Variants in SLC9A1 observed in about 807,000 individuals in gnomAD.
SLC9A1 encodes sodium/hydrogen exchanger 1.
A neutral mutation model predicts 67.9 loss-of-function variants in SLC9A1; 22 were observed. The observed-to-expected ratio is 0.32, with a 90% confidence interval of 0.23 to 0.46. The LOEUF (loss-of-function observed/expected upper bound fraction) is 0.46. SLC9A1 is among the 20% of genes least tolerant of loss of function. The pLI is 1.00. For missense variants in SLC9A1, 686 were observed against 1,094.8 expected, an observed-to-expected ratio of 0.63 and a Z score of 5.27; for synonymous variants, 421 against 471.8, an observed-to-expected ratio of 0.89 and a Z score of 1.40.
Position 27,137,671 on chromosome 1 carries a change from G to A in SLC9A1, c.352+16312C>T, listed in dbSNP as rs1408385035. Among the ~76,000 whole-genome samples the A allele has an allele frequency of 6.6e-6, 1 of 152,102 alleles. No homozygotes were observed. The highest frequency in any genetic ancestry group is 1.5e-5 in the Non-Finnish European group (1 of 68,020). On this transcript the variant is annotated intron_variant, in intron 1 of 11. Transcript: ENST00000263980. The surrounding 1 kb of genome is among the most constrained non-coding windows in gnomAD (Gnocchi z 4.6). ...CTGACCTGACAACTCCCCAGGCCAC[G>A]ACCATAGGGTTCAGCAGGGAACACG...
chr1:27,105,605 A>ACTTCT, intron 5 of SLC9A1: 1 of 660,036 alleles, frequency 1.5e-6, no homozygotes, highest in Non-Finnish European at 2.8e-6. Context: ...GCCAGTACCC[A>ACTTCT]CTTCTCTTAA....
At chr1:27,107,972 G>A (rs1010365796) in intron 3 of SLC9A1, 107 bp from the exon 4 acceptor site, 41 of 780,746 alleles carry the variant, frequency 5.3e-5, no homozygotes, top group Non-Finnish European at 7.7e-5. Flanking sequence ...CATGTCCCAA[G>A]CTCCTCTATG....
chr1:27,117,215 A>G (rs1352359762), intron 1 of SLC9A1, among the ~76,000 whole-genome samples: 1 of 152,130 alleles, frequency 6.6e-6, no homozygotes, highest in Non-Finnish European at 1.5e-5. Flanking sequence ...CAGCGGAGAT[A>G]AGCAGGATGA....
In SLC9A1 at chr1:27,100,453, C is replaced by T. The variant is rs2083133499; in HGVS notation, c.2302G>A (p.Glu768Lys). 6.2e-7 allele frequency: 1 copy of T among 1,613,942 alleles called. No homozygotes were observed. Among genetic ancestry groups the T allele is most frequent in the Non-Finnish European group, 8.5e-7 (1 of 1,179,874 alleles). The change falls in exon 12 of 12, where the codon GAG becomes AAG. Residue 768 changes from glutamate to lysine, a missense_variant. Coordinates refer to ENST00000263980, the MANE Select transcript of SLC9A1 (RefSeq NM_003047.5). This position sits in a 1 kb window ranked among gnomAD's most constrained non-coding sequence, Gnocchi z 5.6. Reference sequence around the variant, plus strand: ...TCGTCGGTTCCTGGGGACGAAGTCTCCTTGCTCCGCATCATGATGCCCCCA... The same window carrying T: ...TCGTCGGTTCCTGGGGACGAAGTCTTCTTGCTCCGCATCATGATGCCCCCA... ...DDGGIMMRSK[E>K]TSSPGTDDVF...
chr1:27,102,304 G>A (rs576077868), intron 8 of SLC9A1, 81 bp downstream of exon 8: 346 of 1,476,684 alleles, frequency 2.3e-4, no homozygotes, highest in Non-Finnish European at 2.9e-4. Context: ...AGAAGACCCC[G>A]CCCCCCAGGT....
intron 1 of SLC9A1, among the ~76,000 whole-genome samples, chr1:27,144,881 A>C (rs2083475375): frequency 6.6e-6 from 1 of 152,042 alleles, no homozygotes; most frequent in East Asian, 1.9e-4. Flanking sequence ...GTGGTGATGT[A>C]AGCCTGTAAT....
In SLC9A1 at chr1:27,137,716, C is replaced by A. The variant is rs889112559; in HGVS notation, c.352+16267G>T. Among the ~76,000 whole-genome samples, 1 of 152,206 alleles carries A rather than the reference C, an allele frequency of 6.6e-6. No individual in the cohort carries two copies. Among genetic ancestry groups the A allele is most frequent in the Non-Finnish European group, 1.5e-5 (1 of 68,036 alleles). On this transcript the variant is annotated intron_variant, in intron 1 of 11. Coordinates refer to ENST00000263980, the MANE Select transcript of SLC9A1 (RefSeq NM_003047.5). This position sits in a 1 kb window ranked among gnomAD's most constrained non-coding sequence, Gnocchi z 4.6. ...AACACGCATGTCCAACCCTGGTGTT[C>A]AGCAATGCCACGCCTCCCACATGAC...
Position 27,102,883 on chromosome 1 carries a change from G to A in SLC9A1, c.1576-140C>T, listed in dbSNP as rs543389749. The A allele has an allele frequency of 1.4e-4, 106 of 744,872 alleles. No individual in the cohort carries two copies. The African/African-American group carries it at 1.6e-3, about 11-fold the overall frequency. The allele number at this position is 744,872 out of a possible 1,614,324, so 46.1% of individuals were successfully genotyped here. On this transcript the variant is annotated intron_variant, in intron 6 of 11. Coordinates refer to ENST00000263980, the MANE Select transcript of SLC9A1 (RefSeq NM_003047.5). ...GTTCCATGAGCAGCCAGGAGGTGGC[G>A]CCCACACTCCACTCATCGAACCCAG...
chr1:27,146,993 C>CG (rs886937161), intron 1 of SLC9A1, among the ~76,000 whole-genome samples: 2 of 151,184 alleles, frequency 1.3e-5, no homozygotes, highest in Admixed American at 6.6e-5. Context: ...AAAATTAGGC[C>CG]GGGCGCGGTG....
rs572674607 is a variant in SLC9A1 at position 27,116,856 on chromosome 1, G to A, written c.353-2570C>T. 2.6e-5 allele frequency among the ~76,000 whole-genome samples: 4 copies of A among 152,156 alleles called. No homozygotes were observed. In the East Asian group the frequency reaches 7.7e-4, roughly 29 times the overall value. ...CAAATTCCTTGCAATTGCCCCATAT[G>A]AGCCACATCCTCTTTTGCCTGCCAA... On this transcript the variant is annotated intron_variant, in intron 1 of 11. Coordinates refer to ENST00000263980, the MANE Select transcript of SLC9A1 (RefSeq NM_003047.5).
Position 27,101,140 on chromosome 1 carries a change from C to A in SLC9A1, c.2110+63G>T. On this transcript the variant is annotated intron_variant, in intron 11 of 11. Transcript: ENST00000263980. The surrounding 1 kb of genome is among the most constrained non-coding windows in gnomAD (Gnocchi z 4.9). ...GTGGCTGAGGACTGTTCCTGTGGAG[C>A]CCCATCCTCAGGAGGTGGCAGCTCA... 7.9e-7 allele frequency: 1 copy of A among 1,265,788 alleles called. No homozygotes were observed. Among genetic ancestry groups the A allele is most frequent in the South Asian group, 1.2e-5 (1 of 82,034 alleles). 78.4% of individuals were successfully genotyped at this position (1,265,788 alleles called of 1,614,324 possible).
chr1:27,114,372 C>G lies in SLC9A1; in HGVS notation c.353-86G>C, dbSNP rs890864989. ...TTGGGGATGGGCCGGGGATGAGGAG[C>G]GCAGTTGGTGAGAGGTGCACAGGCT... On this transcript the variant is annotated intron_variant, in intron 1 of 11. Coordinates refer to ENST00000263980, the MANE Select transcript of SLC9A1 (RefSeq NM_003047.5). This position sits in a 1 kb window ranked among gnomAD's most constrained non-coding sequence, Gnocchi z 5.4. 2.7e-6 allele frequency: 3 copies of G among 1,104,988 alleles called. No individual in the cohort carries two copies. The highest frequency in any genetic ancestry group is 3.9e-6 in the Non-Finnish European group (3 of 762,962). 68.4% of individuals were successfully genotyped at this position (1,104,988 alleles called of 1,614,324 possible).
At chr1:27,102,189 G>C (rs2083151131) in intron 8 of SLC9A1, 59 bp from the exon 9 acceptor site, 3 of 1,488,586 alleles carry the variant, frequency 2.0e-6, no homozygotes, top group African/African-American at 1.4e-5. Context: ...GTGCCTCCCA[G>C]GTTTGGCCAG....
intron 3 of SLC9A1, among the ~76,000 whole-genome samples, chr1:27,108,110 A>G (rs1390696821): frequency 7.7e-6 from 1 of 129,550 alleles, no homozygotes; most frequent in Non-Finnish European, 1.6e-5. Context: ...TCTGTCACCC[A>G]GGCTGGAGAG....
intron 8 of SLC9A1, 116 bp from the exon 9 acceptor site, chr1:27,102,246 G>A: frequency 7.5e-7 from 1 of 1,339,346 alleles, no homozygotes; most frequent in Non-Finnish European, 1.1e-6. Flanking sequence ...AAAGCCTCAG[G>A]TCCTTGGTGC....
Position 27,106,094 on chromosome 1 carries a change from G to T in SLC9A1, c.1283-7C>A, listed in dbSNP as rs1410044158. On this transcript the variant is annotated splice_polypyrimidine_tract_variant and splice_region_variant and intron_variant, in intron 4 of 11. Coordinates refer to ENST00000263980, the MANE Select transcript of SLC9A1 (RefSeq NM_003047.5). The surrounding 1 kb of genome is among the most constrained non-coding windows in gnomAD (Gnocchi z 4.3). Reference sequence around the variant, plus strand: ...CAGGTCAGGCCCAGCACCCCTGCAGGGGAAGGCAGGGGGTGATGAGGGTCA... The same window carrying T: ...CAGGTCAGGCCCAGCACCCCTGCAGTGGAAGGCAGGGGGTGATGAGGGTCA... The T allele has an allele frequency of 1.3e-6, 2 of 1,599,612 alleles. No individual in the cohort carries two copies. The highest frequency in any genetic ancestry group is 1.7e-5 in the Admixed American group (1 of 59,898).
chr1:27,100,277 G>A lies in SLC9A1; in HGVS notation c.*30C>T. On this transcript the variant is annotated 3_prime_UTR_variant, in exon 12 of 12. Transcript: ENST00000263980. This position sits in a 1 kb window ranked among gnomAD's most constrained non-coding sequence, Gnocchi z 5.6. ...CCTGCTCTGGTGGAAGAGTCTGTGAGGGGACAGGCGCTGCCTGCTGGCCCT... is the reference window on the plus strand; with the variant it reads ...CCTGCTCTGGTGGAAGAGTCTGTGAAGGGACAGGCGCTGCCTGCTGGCCCT... 6.8e-7 allele frequency: 1 copy of A among 1,476,556 alleles called. No individual in the cohort carries two copies. Among genetic ancestry groups the A allele is most frequent in the Non-Finnish European group, 9.1e-7 (1 of 1,101,708 alleles). The allele number at this position is 1,476,556 out of a possible 1,614,324, so 91.5% of individuals were successfully genotyped here. A position where few individuals can be genotyped will look rare whatever the true frequency, so the allele number is the denominator to read the frequency against.
At position 27,154,145 on chromosome 1, in the gene SLC9A1, G is replaced by C. The variant is rs1301396595; in HGVS notation, c.190C>G (p.Pro64Ala). The stretch of plus-strand genomic sequence containing the variant: ...CGGCTCTCTGGGGTGACCTCCGGTG[G>C]AGCGGTGGTGACATCCCCAATCGAG... ...ERSIGDVTTA[P>A]PEVTPESRPV... is the part of the protein sequence containing the mutation. The change falls in exon 1 of 12, where the codon CCA (proline) becomes GCA (alanine). Residue 64 changes from proline to alanine, a missense_variant. Coordinates refer to ENST00000263980, the MANE Select transcript of SLC9A1 (RefSeq NM_003047.5). 6.2e-7 allele frequency: 1 copy of C among 1,614,166 alleles called. No individual in the cohort carries two copies.
At chr1:27,151,510 G>A (rs1249868058) in intron 1 of SLC9A1, among the ~76,000 whole-genome samples, 4 of 152,034 alleles carry the variant, frequency 2.6e-5, no homozygotes, top group Non-Finnish European at 4.4e-5. Flanking sequence ...ACAGGCAGCC[G>A]CCACCATGCC....
Sources: gnomAD v4.1 joint callset for allele counts (sites outside exome capture counted in the v4.1 genomes callset) on GRCh38, gnomAD v4.1.1 for gene constraint, Gnocchi (gnomAD v3.1) non-coding constraint, MANE v1.5 for transcripts, NCBI Gene and HGNC (gene_info 2026-07-23, HGNC 2026-07-21) for gene names.